The following CSNK1D variants were observed in gnomAD, a reference collection of about 807,000 sequenced individuals.
The protein encoded by CSNK1D is casein kinase I isoform delta.
In CSNK1D, 16 loss-of-function variants were observed where a neutral mutation model predicts 46.6. The ratio of observed to expected loss-of-function variants is 0.34; its 90% CI spans 0.23 to 0.52. The LOEUF is 0.52. Among genes scored for constraint, CSNK1D ranks in the 20% least tolerant of loss-of-function variants. The pLI, the probability that CSNK1D is intolerant of heterozygous loss-of-function variation, is 0.95. For synonymous variants in CSNK1D, 276 were observed against 228.2 expected, an observed-to-expected ratio of 1.21 and a Z score of -1.89; for missense variants, 398 against 578.4, an observed-to-expected ratio of 0.69 and a Z score of 3.20.
rs559466188 is a variant in CSNK1D at position 82,273,087 on chromosome 17, C to A, written c.76+219G>T. On this transcript the variant is annotated intron_variant, in intron 1 of 8. Transcript: ENST00000314028. This position sits in a 1 kb window ranked among gnomAD's most constrained non-coding sequence, Gnocchi z 5.1. ...CTCCCCTCTCCAGACCCTGCTCCCC[C>A]GACCTGGTCCTGCCCCTCCCCCACG... The A allele has an allele frequency of 1.5e-3, 858 of 567,310 alleles. 9 individuals are homozygous for A. In the African/African-American group the frequency reaches 0.016, roughly 10 times the overall value. 35.1% of individuals were successfully genotyped at this position (567,310 alleles called of 1,614,324 possible). A position where few individuals can be genotyped will look rare whatever the true frequency, so the allele number is the denominator to read the frequency against.
In CSNK1D at chr17:82,244,785, C is replaced by T. The variant is rs762015722; in HGVS notation, c.1244G>A (p.Arg415Gln). 5 of 1,613,988 alleles carry T rather than the reference C, an allele frequency of 3.1e-6. No homozygotes were observed. Among genetic ancestry groups the T allele is most frequent in the Middle Eastern group, 1.6e-4 (1 of 6,062 alleles). ...TCACAGCAATAAGGAGAGTTCTCAT[C>T]GGTGCACGACAGACTGAAGACCACT... ...ASSGLQSVVHR is the reference protein window; with the variant it reads ...ASSGLQSVVHQ The change falls in exon 9 of 9, where the codon CGA becomes CAA. Residue 415 changes from arginine (R) to glutamine (Q), a missense_variant. Arg to Gln is a conservative substitution (Grantham distance 43). This residue lies in a region of CSNK1D where 181 missense variants were observed against 208.0 expected (regional missense o/e 0.87). Coordinates refer to ENST00000314028, the MANE Select transcript of CSNK1D (RefSeq NM_001893.6).
chr17:82,256,724 C>A (rs900196636), intron 2 of CSNK1D, among the ~76,000 whole-genome samples: 5 of 152,050 alleles, frequency 3.3e-5, no homozygotes, highest in Admixed American at 3.3e-4. Flanking sequence ...CTCAAAATGC[C>A]ACCCCCAAAA....
In CSNK1D at chr17:82,249,505, G is replaced by A; in HGVS notation, c.983C>T (p.Ser328Phe). ...SRNPATRGLP[S>F]TASGRLRGTQ... ...CCCCCGCAGGCGGCCGGAGGCTGTG[G>A]AAGGGAGGCCGCGGGTAGCCGGGTT... Residue 328 changes from serine (S) to phenylalanine (F), a missense_variant, in exon 7 of 9, where the codon TCC (serine) becomes TTC (phenylalanine). Transcript: ENST00000314028. This position sits in a 1 kb window ranked among gnomAD's most constrained non-coding sequence, Gnocchi z 6.7. 6.5e-7 allele frequency: 1 copy of A among 1,544,294 alleles called. No individual in the cohort carries two copies. Among genetic ancestry groups the A allele is most frequent in the Non-Finnish European group, 8.7e-7 (1 of 1,146,828 alleles).
chr17:82,243,905 T>C lies in CSNK1D; in HGVS notation c.*876A>G, dbSNP rs2050786238. The C allele has an allele frequency of 2.0e-6, 2 of 985,866 alleles. No homozygotes were observed. Among genetic ancestry groups the C allele is most frequent in the South Asian group, 9.4e-5 (2 of 21,334 alleles). The allele number at this position is 985,866 out of a possible 1,614,324, so 61.1% of individuals were successfully genotyped here. A position where few individuals can be genotyped will look rare whatever the true frequency, so the allele number is the denominator to read the frequency against. ...TGAATCCTGGGACTCCCAATTGTCC[T>C]GCTAGGGTCTCAAAGCCTCTGCTTC... On this transcript the variant is annotated 3_prime_UTR_variant, in exon 9 of 9. Coordinates refer to ENST00000314028, the MANE Select transcript of CSNK1D (RefSeq NM_001893.6).
In CSNK1D at chr17:82,248,615, C is replaced by T. The variant is rs770017833; in HGVS notation, c.1197+260G>A. On this transcript the variant is annotated intron_variant, in intron 8 of 8. Coordinates refer to ENST00000314028, the MANE Select transcript of CSNK1D (RefSeq NM_001893.6). This position sits in a 1 kb window ranked among gnomAD's most constrained non-coding sequence, Gnocchi z 4.1. ...CTCAAACAGCAGGAGAAAGCCCCCA[C>T]GGTTTGCTGGCCTCAGGGACCTGAG... The T allele has an allele frequency of 6.7e-5, 89 of 1,337,788 alleles. 1 individual carries two copies. The highest frequency in any genetic ancestry group is 5.8e-4 in the African/African-American group (39 of 67,474). 82.9% of individuals were successfully genotyped at this position (1,337,788 alleles called of 1,614,324 possible).
chr17:82,251,311 C>T lies in CSNK1D; in HGVS notation c.885+68G>A. ...GTACAGCCCCTCAACAAGACGGCCG[C>T]CGGCCTCTCACTGACAAGCCATCCC... On this transcript the variant is annotated intron_variant, in intron 6 of 8. Coordinates refer to ENST00000314028, the MANE Select transcript of CSNK1D (RefSeq NM_001893.6). This position sits in a 1 kb window ranked among gnomAD's most constrained non-coding sequence, Gnocchi z 4.5. 6.3e-7 allele frequency: 1 copy of T among 1,590,030 alleles called. No homozygotes were observed.
At position 82,251,087 on chromosome 17, in the gene CSNK1D, G is replaced by T. The variant is rs2050996370; in HGVS notation, c.885+292C>A. ...CCCCCACCCTCTGCCCCCAGGGCAT[G>T]CTCTGGGCCCTAGCTCCGCTTGGTG... On this transcript the variant is annotated intron_variant, in intron 6 of 8. Transcript: ENST00000314028. This position sits in a 1 kb window ranked among gnomAD's most constrained non-coding sequence, Gnocchi z 4.5. 2 of 439,908 alleles carry T rather than the reference G, an allele frequency of 4.5e-6. No individual in the cohort carries two copies. Among genetic ancestry groups the T allele is most frequent in the East Asian group, 9.4e-5 (2 of 21,290 alleles). The allele number at this position is 439,908 out of a possible 1,614,324, so 27.3% of individuals were successfully genotyped here.
chr17:82,263,167 G>A (rs1324153536), intron 2 of CSNK1D, among the ~76,000 whole-genome samples: 1 of 152,174 alleles, frequency 6.6e-6, no homozygotes, highest in Non-Finnish European at 1.5e-5. Flanking sequence ...GCAACGGAGT[G>A]AGACTCTGTC....
At chr17:82,267,275 G>C (rs1455513201) in intron 1 of CSNK1D, among the ~76,000 whole-genome samples, 1 of 152,176 alleles carries the variant, frequency 6.6e-6, no homozygotes, top group East Asian at 1.9e-4. Flanking sequence ...TCTGTTTCAT[G>C]AGAGTTGTGG....
chr17:82,247,164 TG>T, intron 8 of CSNK1D: 1 of 985,488 alleles, frequency 1.0e-6, no homozygotes, highest in East Asian at 1.1e-4. Flanking sequence ...CAGCTCTCTC[TG>T]GAGACTCCTC....
intron 2 of CSNK1D, among the ~76,000 whole-genome samples, chr17:82,257,766 G>A (rs2051211195): frequency 6.6e-6 from 1 of 152,232 alleles, no homozygotes; most frequent in African/African-American, 2.4e-5. Flanking sequence ...TGCAGAATGT[G>A]GAAGAGCACA....
At chr17:82,261,601 GAA>G (rs1480415173) in intron 2 of CSNK1D, among the ~76,000 whole-genome samples, 1 of 152,076 alleles carries the variant, frequency 6.6e-6, no homozygotes, top group Non-Finnish European at 1.5e-5. Flanking sequence ...TTTGGATTTT[GAA>G]AAAAGTTTCT....
Position 82,255,989 on chromosome 17 carries a change from C to T in CSNK1D, c.188-412G>A, listed in dbSNP as rs1388228056. On this transcript the variant is annotated intron_variant, in intron 2 of 8. Coordinates refer to ENST00000314028, the MANE Select transcript of CSNK1D (RefSeq NM_001893.6). The surrounding 1 kb of genome is among the most constrained non-coding windows in gnomAD (Gnocchi z 5.9). ...AGATGGGAGGAGAGAAAGCAGCTAC[C>T]GTGGGTTAGGTGAGAGAAGAAAATA... Among the ~76,000 whole-genome samples, 3 of 152,074 alleles carry T rather than the reference C, an allele frequency of 2.0e-5. No individual in the cohort carries two copies. Among genetic ancestry groups the T allele is most frequent in the South Asian group, 4.1e-4 (2 of 4,826 alleles).
chr17:82,259,226 T>C (rs2051263057), intron 2 of CSNK1D, among the ~76,000 whole-genome samples: 1 of 152,260 alleles, frequency 6.6e-6, no homozygotes, highest in Non-Finnish European at 1.5e-5. Context: ...GTAAGCATTA[T>C]GTTTTAAATT....
Position 82,252,742 on chromosome 17 carries a change from A to G in CSNK1D, c.566-138T>C. Reference sequence around the variant, plus strand: ...ACTCCAGCTGGCACTTCCAGTGGAGACGAACCTCGGACACACATGCCCAGA... The same window carrying G: ...ACTCCAGCTGGCACTTCCAGTGGAGGCGAACCTCGGACACACATGCCCAGA... On this transcript the variant is annotated intron_variant, in intron 4 of 8. Coordinates refer to ENST00000314028, the MANE Select transcript of CSNK1D (RefSeq NM_001893.6). The surrounding 1 kb of genome is among the most constrained non-coding windows in gnomAD (Gnocchi z 4.6). 1 of 929,602 alleles carries G rather than the reference A, an allele frequency of 1.1e-6. No individual in the cohort carries two copies. Among genetic ancestry groups the G allele is most frequent in the South Asian group, 1.4e-5 (1 of 71,380 alleles). The allele number at this position is 929,602 out of a possible 1,614,324, so 57.6% of individuals were successfully genotyped here.
chr17:82,252,482 C>T lies in CSNK1D; in HGVS notation c.688G>A (p.Glu230Lys), dbSNP rs1482261764. The change falls in exon 5 of 9, where the codon GAG (glutamate) becomes AAG (lysine). Residue 230 changes from glutamate (E) to lysine (K), a missense_variant. Glu to Lys is a moderately conservative substitution (Grantham distance 56, BLOSUM62 1). Transcript: ENST00000314028. The surrounding 1 kb of genome is among the most constrained non-coding windows in gnomAD (Gnocchi z 4.6). ...TKRQKYERIS[E>K]KKMSTPIEVL... Reference sequence around the variant, plus strand: ...TCGATGGGGGTGGACATTTTCTTCTCGCTAATCCTTTCGTATTTCTGTCTC... The same window carrying T: ...TCGATGGGGGTGGACATTTTCTTCTTGCTAATCCTTTCGTATTTCTGTCTC... 4 of 1,614,030 alleles carry T rather than the reference C, an allele frequency of 2.5e-6. No homozygotes were observed. Among genetic ancestry groups the T allele is most frequent in the East Asian group, 2.2e-5 (1 of 44,900 alleles).
chr17:82,272,489 T>C (rs1269743350), intron 1 of CSNK1D, among the ~76,000 whole-genome samples: 1 of 152,248 alleles, frequency 6.6e-6, no homozygotes, highest in Admixed American at 6.5e-5. Flanking sequence ...TTGAGACTGT[T>C]ACAGTCTAAA....
Position 82,251,686 on chromosome 17 carries a change from G to A in CSNK1D, c.737-159C>T, listed in dbSNP as rs546936344. ...TTCTAAGACCTGAAGCCTTGAGAAA[G>A]CATCGAAAAGTATTCAAGTCACGGC... On this transcript the variant is annotated intron_variant, in intron 5 of 8. Coordinates refer to ENST00000314028, the MANE Select transcript of CSNK1D (RefSeq NM_001893.6). The surrounding 1 kb of genome is among the most constrained non-coding windows in gnomAD (Gnocchi z 4.5). The A allele has an allele frequency of 9.3e-5, 76 of 815,024 alleles. 1 individual carries two copies. The South Asian group carries it at 1.1e-3, about 11-fold the overall frequency. 50.5% of individuals were successfully genotyped at this position (815,024 alleles called of 1,614,324 possible).
intron 2 of CSNK1D, among the ~76,000 whole-genome samples, chr17:82,264,906 T>C (rs1029740733): frequency 1.3e-5 from 2 of 151,386 alleles, no homozygotes; most frequent in African/African-American, 4.9e-5. Flanking sequence ...CACGCCATTC[T>C]CCTGCCTCAG....
Sources: allele counts gnomAD v4.1 joint callset (sites outside exome capture counted in the v4.1 genomes callset), GRCh38; gene constraint gnomAD v4.1.1; regional missense constraint gnomAD v4.1.1; non-coding constraint Gnocchi (gnomAD v3.1); transcripts MANE v1.5; gene names NCBI Gene and HGNC (gene_info 2026-07-23, HGNC 2026-07-21).